Variants in RHOU observed in about 807,000 individuals in gnomAD.
RHOU encodes ras homolog family member U.
A neutral mutation model predicts 12.6 loss-of-function variants in RHOU; 8 were observed. The ratio of observed to expected loss-of-function variants is 0.64; its 90% CI spans 0.37 to 1.15. The LOEUF (loss-of-function observed/expected upper bound fraction) is 1.15. Among genes scored for constraint, RHOU ranks in the 50% most tolerant of loss-of-function variants. RHOU has a pLI of 0.01. For synonymous variants in RHOU, 161 were observed against 147.4 expected, an observed-to-expected ratio of 1.09 and a Z score of -0.67; for missense variants, 258 against 347.0, an observed-to-expected ratio of 0.74 and a Z score of 2.04.
At chr1:228,667,378 T>A in the RHOU span, among the ~76,000 whole-genome samples, 25 of 152,212 alleles carry the variant, frequency 1.6e-4, no homozygotes, top group African/African-American at 6.0e-4. Context: ...CTCAAGGAAC[T>A]AACATGTTGA....
At chr1:228,687,965 T>TCCTC in the RHOU span, 244 of 657,768 alleles carry the variant, frequency 3.7e-4, 1 homozygote, top group East Asian at 4.6e-3. Context: ...CTTCTGTCCT[T>TCCTC]CCTCCCTCCC....
the RHOU span, among the ~76,000 whole-genome samples, chr1:228,719,204 A>G: frequency 6.6e-6 from 1 of 152,100 alleles, no homozygotes; most frequent in South Asian, 2.1e-4. Flanking sequence ...TTTCCTATCT[A>G]TCCATTGGTT....
intron 1 of RHOU, among the ~76,000 whole-genome samples, chr1:228,736,260 CAAAAAAAA>C (rs1204392489): frequency 1.4e-5 from 1 of 70,894 alleles, no homozygotes; most frequent in East Asian, 5.2e-4. Flanking sequence ...AGAGCCTTGC[CAAAAAAAA>C]AAAAAAAAAA....
chr1:228,722,732 C>T, the RHOU span, among the ~76,000 whole-genome samples: 2 of 151,982 alleles, frequency 1.3e-5, no homozygotes, highest in East Asian at 1.9e-4. Flanking sequence ...AAGCGATTCT[C>T]CTGCCTCAGC....
chr1:228,695,261 T>G, the RHOU span, among the ~76,000 whole-genome samples: 1 of 152,198 alleles, frequency 6.6e-6, no homozygotes, highest in Non-Finnish European at 1.5e-5. Context: ...TGAGTCACTG[T>G]GCCCAGCTAA....
chr1:228,672,268 A>G, the RHOU span, among the ~76,000 whole-genome samples: 7 of 152,176 alleles, frequency 4.6e-5, no homozygotes, highest in African/African-American at 1.2e-4. Context: ...CCCGGGTTCA[A>G]GCAATTCTCC....
the RHOU span, among the ~76,000 whole-genome samples, chr1:228,708,560 A>G: frequency 0.59 from 89,234 of 150,518 alleles, 29,136 homozygotes; most frequent in African/African-American, 0.89. Context: ...GCCAAACTAA[A>G]CTTCATAAGT....
At chr1:228,674,871 C>T in the RHOU span, among the ~76,000 whole-genome samples, 9 of 152,086 alleles carry the variant, frequency 5.9e-5, no homozygotes, top group Non-Finnish European at 1.3e-4. Context: ...GCTGGGACTA[C>T]AGGCGCCTGC....
the RHOU span, among the ~76,000 whole-genome samples, chr1:228,713,613 G>A: frequency 6.6e-6 from 1 of 152,100 alleles, no homozygotes; most frequent in Non-Finnish European, 1.5e-5. Flanking sequence ...ATTTACAGGT[G>A]TGAGCCACCA....
Position 228,735,504 on chromosome 1 carries a change from G to T in RHOU, c.-239G>T. 1 of 275,832 alleles carries T rather than the reference G, an allele frequency of 3.6e-6. No homozygotes were observed. The highest frequency in any genetic ancestry group is 5.3e-5 in the Admixed American group (1 of 18,792). The allele number at this position is 275,832 out of a possible 1,614,324, so 17.1% of individuals were successfully genotyped here. Reference sequence around the variant, plus strand: ...AGAGCGCTTGGGATCCACGGCGCTCGGACCGCTGTCCTCCAACAGCGCAGG... The same window carrying T: ...AGAGCGCTTGGGATCCACGGCGCTCTGACCGCTGTCCTCCAACAGCGCAGG... On this transcript the variant is annotated 5_prime_UTR_variant, in exon 1 of 3. Coordinates refer to ENST00000366691, the MANE Select transcript of RHOU (RefSeq NM_021205.6). This position sits in a 1 kb window ranked among gnomAD's most constrained non-coding sequence, Gnocchi z 8.1.
At chr1:228,684,042 C>G in the RHOU span, among the ~76,000 whole-genome samples, 484 of 152,230 alleles carry the variant, frequency 3.2e-3, 3 homozygotes, top group African/African-American at 0.011. Context: ...TTGTTTGTTT[C>G]TTTCTTTCTT....
At chr1:228,656,325 A>AT in the RHOU span, among the ~76,000 whole-genome samples, 1 of 151,702 alleles carries the variant, frequency 6.6e-6, no homozygotes, top group African/African-American at 2.4e-5. Context: ...GGCTAATTTC[A>AT]TTTTCTTTTA....
In RHOU at chr1:228,744,131, G is replaced by T. The variant is rs1662778494; in HGVS notation, c.*391G>T. 2 of 186,714 alleles carry T rather than the reference G, an allele frequency of 1.1e-5. No individual in the cohort carries two copies. The highest frequency in any genetic ancestry group is 2.2e-4 in the South Asian group (2 of 8,998). The allele number at this position is 186,714 out of a possible 1,614,324, so 11.6% of individuals were successfully genotyped here. On this transcript the variant is annotated 3_prime_UTR_variant, in exon 3 of 3. Transcript: ENST00000366691. ...TATGGTTAACCCTCTCTTGATTAAG[G>T]GCTACTTAATGCACAGTGCATTATG...
the RHOU span, among the ~76,000 whole-genome samples, chr1:228,722,363 C>G: frequency 6.6e-6 from 1 of 152,130 alleles, no homozygotes; most frequent in Non-Finnish European, 1.5e-5. Context: ...TGGTCTTCAC[C>G]CCCTCCCAGG....
At chr1:228,705,755 G>C in the RHOU span, among the ~76,000 whole-genome samples, 1 of 152,060 alleles carries the variant, frequency 6.6e-6, no homozygotes. Flanking sequence ...TCAAAAATTT[G>C]CTCAAAGGCC....
At chr1:228,721,020 T>C in the RHOU span, among the ~76,000 whole-genome samples, 1 of 152,082 alleles carries the variant, frequency 6.6e-6, no homozygotes, top group African/African-American at 2.4e-5. Context: ...ATTTATCGCC[T>C]TGGGGGCACG....
At chr1:228,731,359 G>A (rs568287380), upstream of RHOU, among the ~76,000 whole-genome samples, 7 of 152,294 alleles carry the variant, frequency 4.6e-5, no homozygotes, top group African/African-American at 1.2e-4. Flanking sequence ...TAGGGCAAGC[G>A]TTAGTTCTGA....
chr1:228,733,532 C>T (rs1311224064), upstream of RHOU, among the ~76,000 whole-genome samples: 3 of 152,232 alleles, frequency 2.0e-5, no homozygotes, highest in African/African-American at 2.4e-5. Flanking sequence ...GTCTCGAACT[C>T]GTGGCCTCAA....
chr1:228,723,399 C>T, the RHOU span, among the ~76,000 whole-genome samples: 1 of 152,188 alleles, frequency 6.6e-6, no homozygotes, highest in African/African-American at 2.4e-5. Context: ...GTTGGTTTGA[C>T]CCGGCATGTC....
Sources: gnomAD v4.1 joint callset for allele counts (sites outside exome capture counted in the v4.1 genomes callset) on GRCh38, gnomAD v4.1.1 for gene constraint, Gnocchi (gnomAD v3.1) non-coding constraint, MANE v1.5 for transcripts, NCBI Gene and HGNC (gene_info 2026-07-23, HGNC 2026-07-21) for gene names.